ADGRL3: variants seen among roughly 807,000 people sequenced by gnomAD.
ADGRL3 encodes adhesion G protein-coupled receptor L3.
A neutral mutation model predicts 153.5 loss-of-function variants in ADGRL3; 62 were observed. The ratio of observed to expected loss-of-function variants is 0.40; its 90% confidence interval spans 0.33 to 0.50. The LOEUF (loss-of-function observed/expected upper bound fraction) is 0.50, where lower values mean the gene tolerates loss of function less well. Ranked by LOEUF, ADGRL3 falls within the 20% of genes least tolerant of loss-of-function variation. ADGRL3 has a pLI of 0.47. For missense variants in ADGRL3, 1,641 were observed against 1,859.4 expected, an observed-to-expected ratio of 0.88 and a Z score of 2.16; for synonymous variants, 710 against 672.5, an observed-to-expected ratio of 1.06 and a Z score of -0.86.
At chr4:61,687,133 A>T (rs1046920884) in intron 6 of ADGRL3, among the ~76,000 whole-genome samples, 1 of 151,898 alleles carries the variant, frequency 6.6e-6, no homozygotes, top group Admixed American at 6.6e-5. Context: ...TTAATTGCCC[A>T]ATTTTTTTTT....
At chr4:61,358,256 CAT>C (rs1227967608) in intron 1 of ADGRL3, among the ~76,000 whole-genome samples, 1 of 152,088 alleles carries the variant, frequency 6.6e-6, no homozygotes, top group African/African-American at 2.4e-5. Flanking sequence ...TAAGTTGTAT[CAT>C]GTTATTTTTC....
chr4:61,424,671 A>G (rs972862845), intron 2 of ADGRL3, among the ~76,000 whole-genome samples: 1 of 152,142 alleles, frequency 6.6e-6, no homozygotes, highest in Admixed American at 6.5e-5. Context: ...GCAGCTTACT[A>G]TATCTAAGGC....
At chr4:61,261,500 T>C (rs1415338826) in intron 1 of ADGRL3, among the ~76,000 whole-genome samples, 1 of 152,152 alleles carries the variant, frequency 6.6e-6, no homozygotes, top group African/African-American at 2.4e-5. Context: ...GCACTGTTGG[T>C]TGAATCCATT....
intron 4 of ADGRL3, among the ~76,000 whole-genome samples, chr4:61,559,933 T>C (rs942567560): frequency 2.0e-5 from 3 of 152,156 alleles, no homozygotes; most frequent in African/African-American, 7.2e-5. Flanking sequence ...TATTTATTCA[T>C]GACTATTCCC....
At chr4:61,311,187 C>A (rs1288255188) in intron 1 of ADGRL3, among the ~76,000 whole-genome samples, 1 of 152,098 alleles carries the variant, frequency 6.6e-6, no homozygotes, top group Non-Finnish European at 1.5e-5. Context: ...AAGGTATTAA[C>A]ACCATAAAGT....
intron 2 of ADGRL3, among the ~76,000 whole-genome samples, chr4:61,391,355 G>A (rs1389467592): frequency 6.6e-6 from 1 of 152,138 alleles, no homozygotes; most frequent in African/African-American, 2.4e-5. Flanking sequence ...AACTCAGAGT[G>A]AGAACTCACT....
At position 62,075,570 on chromosome 4, in the gene ADGRL3, T is replaced by C. The variant is rs916782301; in HGVS notation, c.*4662T>C. 3.3e-5 allele frequency: 5 copies of C among 152,316 alleles called. No homozygotes were observed. Among genetic ancestry groups the C allele is most frequent in the Non-Finnish European group, 7.4e-5 (5 of 68,026 alleles). The allele number at this position is 152,316 out of a possible 1,614,324, so 9.4% of individuals were successfully genotyped here. ...CATTGTAGACCAAGGTGTTAAAATT[T>C]AATTAGTTCATTTTTAGTAATTCAT... On this transcript the variant is annotated 3_prime_UTR_variant, in exon 27 of 27. Coordinates refer to ENST00000683033, the MANE Select transcript of ADGRL3 (RefSeq NM_001387552.1).
intron 17 of ADGRL3, among the ~76,000 whole-genome samples, chr4:61,954,446 T>C (rs1397005575): frequency 1.3e-5 from 2 of 152,068 alleles, no homozygotes; most frequent in African/African-American, 4.8e-5. Flanking sequence ...AGGGATACTT[T>C]TAAAATGTGA....
intron 1 of ADGRL3, among the ~76,000 whole-genome samples, chr4:61,210,450 G>A (rs190195573): frequency 6.6e-6 from 1 of 152,044 alleles, no homozygotes; most frequent in African/African-American, 2.4e-5. Flanking sequence ...TGTTCTGCTT[G>A]GGTGGGTAAC....
chr4:61,345,720 C>A (rs2095887493), intron 1 of ADGRL3, among the ~76,000 whole-genome samples: 1 of 152,122 alleles, frequency 6.6e-6, no homozygotes, highest in Admixed American at 6.6e-5. Context: ...TGTCCTCTTA[C>A]AAAATGTTCA....
At chr4:61,495,040 G>A (rs1189388276) in intron 2 of ADGRL3, among the ~76,000 whole-genome samples, 1 of 152,054 alleles carries the variant, frequency 6.6e-6, no homozygotes, top group Non-Finnish European at 1.5e-5. Flanking sequence ...AGAACCATAT[G>A]AATTAAGTAA....
chr4:61,871,143 T>C (rs2098442585), intron 9 of ADGRL3, among the ~76,000 whole-genome samples: 2 of 151,968 alleles, frequency 1.3e-5, no homozygotes, highest in Non-Finnish European at 2.9e-5. Context: ...CCAGGTGTGG[T>C]GGCGAGTGCC....
In ADGRL3 at chr4:61,368,131, A is replaced by T. The variant is rs535644522; in HGVS notation, c.-239-14993A>T. Among the ~76,000 whole-genome samples the T allele has an allele frequency of 3.3e-3, 503 of 151,330 alleles. 1 individual carries two copies. Among genetic ancestry groups the T allele is most frequent in the Non-Finnish European group, 5.3e-3 (362 of 67,872 alleles). On this transcript the variant is annotated intron_variant, in intron 1 of 26. Transcript: ENST00000683033. ...TGTTTGAGTTCATTGTAGATTCTGG[A>T]TATTACCCCTTTGTCAGATGAGTAG...
At chr4:61,887,030 TA>T (rs974466595) in intron 9 of ADGRL3, among the ~76,000 whole-genome samples, 9 of 151,814 alleles carry the variant, frequency 5.9e-5, no homozygotes, top group East Asian at 1.9e-4. Context: ...TTTATTTATT[TA>T]TTTTTTTATT....
intron 9 of ADGRL3, among the ~76,000 whole-genome samples, chr4:61,862,941 C>G (rs2098358515): frequency 1.3e-5 from 2 of 152,094 alleles, no homozygotes; most frequent in African/African-American, 4.8e-5. Flanking sequence ...AGACTAAATT[C>G]AGCTTCCTAA....
chr4:61,740,666 T>C (rs1484690039), intron 8 of ADGRL3, among the ~76,000 whole-genome samples: 2 of 152,192 alleles, frequency 1.3e-5, no homozygotes, highest in African/African-American at 4.8e-5. Flanking sequence ...ATAACAGGCA[T>C]AGAAGCTGAG....
chr4:61,921,424 CT>C (rs2098768651), intron 13 of ADGRL3, among the ~76,000 whole-genome samples: 1 of 152,082 alleles, frequency 6.6e-6, no homozygotes, highest in Non-Finnish European at 1.5e-5. Context: ...TCACTGTTAG[CT>C]TTTTTGTTGT....
chr4:61,265,626 G>A (rs1428462195), intron 1 of ADGRL3, among the ~76,000 whole-genome samples: 3 of 151,870 alleles, frequency 2.0e-5, no homozygotes, highest in Non-Finnish European at 4.4e-5. Context: ...AAAAAAGTGA[G>A]ATAATTGGCT....
At chr4:61,685,591 C>T (rs528593177) in intron 6 of ADGRL3, among the ~76,000 whole-genome samples, 2 of 152,174 alleles carry the variant, frequency 1.3e-5, no homozygotes, top group African/African-American at 4.8e-5. Flanking sequence ...GAGAGGACAG[C>T]TCCAAGGATC....
Sources: gnomAD v4.1 joint callset for allele counts (sites outside exome capture counted in the v4.1 genomes callset) on GRCh38, gnomAD v4.1.1 for gene constraint, MANE v1.5 for transcripts, NCBI Gene and HGNC (gene_info 2026-07-23, HGNC 2026-07-21) for gene names.